The following OR5AN1 variants were observed in gnomAD, a reference collection of about 807,000 sequenced individuals.
The protein encoded by OR5AN1 is olfactory receptor family 5 subfamily AN member 1.
For missense variants in OR5AN1, 476 were observed against 368.9 expected, an observed-to-expected ratio of 1.29 and a Z score of -2.38; for synonymous variants, 167 against 131.8, an observed-to-expected ratio of 1.27 and a Z score of -1.83.
At position 59,369,963 on chromosome 11, in the gene OR5AN1, T is replaced by C. The variant is rs1857576067; in HGVS notation, c.*4569T>C. On this transcript the variant is annotated 3_prime_UTR_variant, in exon 2 of 2. Transcript: ENST00000641998. ...AGAGTTTGGGGTTTTGTCTTCCACA[T>C]CCTTAAAGAAAATAGTCTTCAACCA... 1 of 152,088 alleles carries C rather than the reference T, an allele frequency of 6.6e-6. No individual in the cohort carries two copies. The highest frequency in any genetic ancestry group is 1.5e-5 in the Non-Finnish European group (1 of 68,026). 9.4% of individuals were successfully genotyped at this position (152,088 alleles called of 1,614,324 possible).
At chr11:59,364,223 A>T (rs889229646) in intron 1 of OR5AN1, among the ~76,000 whole-genome samples, 2 of 152,200 alleles carry the variant, frequency 1.3e-5, no homozygotes, top group African/African-American at 4.8e-5. Context: ...TTTAAAATAT[A>T]TTTTTAATTC....
rs1259510208 is a variant in OR5AN1, at chr11:59,365,457, A to G, written c.*63A>G. On this transcript the variant is annotated 3_prime_UTR_variant, in exon 2 of 2. Coordinates refer to ENST00000641998, the MANE Select transcript of OR5AN1 (RefSeq NM_001004729.2). ...TCAGAATCTCCCTAACCCACAAAAT[A>G]TGATAATGAATGGACTATAACAAAA... is the stretch of plus-strand genomic sequence containing the variant. The G allele has an allele frequency of 4.2e-6, 4 of 944,782 alleles. No individual in the cohort carries two copies. Among genetic ancestry groups the G allele is most frequent in the African/African-American group, 3.3e-5 (2 of 60,534 alleles). 58.5% of individuals were successfully genotyped at this position (944,782 alleles called of 1,614,324 possible).
chr11:59,359,469 C>A (rs1362306674), intron 1 of OR5AN1, 197 bp downstream of exon 1: 2 of 152,106 alleles, frequency 1.3e-5, no homozygotes, highest in Non-Finnish European at 2.9e-5. Context: ...AGATCAAAAC[C>A]TGCTTGGGTA....
rs958376021 is a variant in OR5AN1 at position 59,367,332 on chromosome 11, G to A, written c.*1938G>A. The A allele has an allele frequency of 1.1e-4, 16 of 152,236 alleles. No individual in the cohort carries two copies. Among genetic ancestry groups the A allele is most frequent in the Admixed American group, 4.6e-4 (7 of 15,282 alleles). The allele number at this position is 152,236 out of a possible 1,614,324, so 9.4% of individuals were successfully genotyped here. On this transcript the variant is annotated 3_prime_UTR_variant, in exon 2 of 2. Coordinates refer to ENST00000641998, the MANE Select transcript of OR5AN1 (RefSeq NM_001004729.2). The stretch of plus-strand genomic sequence containing the variant: ...TCTTCAGTCTAATACACAGAGCTAT[G>A]TGGAGTCTTGGCAGAGCAGCCACTC...
At chr11:59,362,322 G>A (rs1857473953) in intron 1 of OR5AN1, among the ~76,000 whole-genome samples, 1 of 151,772 alleles carries the variant, frequency 6.6e-6, no homozygotes, top group South Asian at 2.1e-4. Flanking sequence ...TATAATTTCT[G>A]TTTTAGTGTT....
Position 59,367,103 on chromosome 11 carries a change from T to C in OR5AN1, c.*1709T>C, listed in dbSNP as rs1349748724. ...GAAATACAATAAAGTAACAAAGCTG[T>C]GAATCAGAAAAAAATTGAAAAAAGA... is the stretch of plus-strand genomic sequence containing the variant. On this transcript the variant is annotated 3_prime_UTR_variant, in exon 2 of 2. Coordinates refer to ENST00000641998, the MANE Select transcript of OR5AN1 (RefSeq NM_001004729.2). 1.3e-5 allele frequency: 2 copies of C among 152,236 alleles called. No homozygotes were observed. The highest frequency in any genetic ancestry group is 3.4e-3 in the Middle Eastern group (1 of 294). 9.4% of individuals were successfully genotyped at this position (152,236 alleles called of 1,614,324 possible).
Position 59,366,547 on chromosome 11 carries a change from T to C in OR5AN1, c.*1153T>C, listed in dbSNP as rs534078344. The C allele has an allele frequency of 6.6e-6, 1 of 152,314 alleles. No individual in the cohort carries two copies. The highest frequency in any genetic ancestry group is 2.1e-4 in the South Asian group (1 of 4,822). 9.4% of individuals were successfully genotyped at this position (152,314 alleles called of 1,614,324 possible). A position where few individuals can be genotyped will look rare whatever the true frequency, so the allele number is the denominator to read the frequency against. On this transcript the variant is annotated 3_prime_UTR_variant, in exon 2 of 2. Coordinates refer to ENST00000641998, the MANE Select transcript of OR5AN1 (RefSeq NM_001004729.2). Reference sequence around the variant, plus strand: ...CTTCATAATTTAAAATTAAAAATTTTCTCCTTGTCCAAACTGCCTGGCGTA... The same window carrying C: ...CTTCATAATTTAAAATTAAAAATTTCCTCCTTGTCCAAACTGCCTGGCGTA...
At position 59,365,642 on chromosome 11, in the gene OR5AN1, T is replaced by C. The variant is rs966537843; in HGVS notation, c.*248T>C. ...CATCAGGATAAATAATGTGGCCTCA[T>C]CATTTATGAATTTGTCCAAAATTAT... On this transcript the variant is annotated 3_prime_UTR_variant, in exon 2 of 2. Transcript: ENST00000641998. The C allele has an allele frequency of 1.6e-5, 6 of 366,472 alleles. No homozygotes were observed. The highest frequency in any genetic ancestry group is 2.4e-5 in the Non-Finnish European group (5 of 204,932). The allele number at this position is 366,472 out of a possible 1,614,324, so 22.7% of individuals were successfully genotyped here. A position where few individuals can be genotyped will look rare whatever the true frequency, so the allele number is the denominator to read the frequency against.
rs1159818056 is a variant in OR5AN1 at position 59,365,287 on chromosome 11, G to T, written c.829G>T (p.Val277Phe). ...GSSSFDRFAS[V>F]FYTVVIPMLN... The stretch of plus-strand genomic sequence containing the variant: ...TTCAAGCTTTGACAGATTTGCATCT[G>T]TTTTCTACACTGTGGTCATTCCCAT... Residue 277 changes from valine (V) to phenylalanine (F), a missense_variant, in exon 2 of 2, where the codon GTT becomes TTT. Physicochemically the swap from Val to Phe is conservative, Grantham distance 50. Transcript: ENST00000641998. The T allele has an allele frequency of 6.2e-7, 1 of 1,613,316 alleles. No homozygotes were observed. Among genetic ancestry groups the T allele is most frequent in the Non-Finnish European group, 8.5e-7 (1 of 1,179,474 alleles).
At chr11:59,363,719 G>A (rs1857490281) in intron 1 of OR5AN1, among the ~76,000 whole-genome samples, 1 of 152,110 alleles carries the variant, frequency 6.6e-6, no homozygotes, top group Non-Finnish European at 1.5e-5. Flanking sequence ...CAGGACTGTT[G>A]TCCATCAAAT....
chr11:59,364,361 G>A (rs1857497974), intron 1 of OR5AN1, 85 bp from the exon 2 acceptor site: 1 of 793,870 alleles, frequency 1.3e-6, no homozygotes, highest in Admixed American at 2.8e-5. Flanking sequence ...CTTGTTGGAA[G>A]AAAAGATGTA....
In OR5AN1 at chr11:59,371,294, T is replaced by C. The variant is rs1340804558; in HGVS notation, c.*5900T>C. ...ATGAGTGCAAAAATGTTCACTGATT[T>C]GGAGAGAAAGATTGTGTTATGGCAA... On this transcript the variant is annotated 3_prime_UTR_variant, in exon 2 of 2. Transcript: ENST00000641998. 1 of 152,186 alleles carries C rather than the reference T, an allele frequency of 6.6e-6. No individual in the cohort carries two copies. The allele number at this position is 152,186 out of a possible 1,614,324, so 9.4% of individuals were successfully genotyped here. A position where few individuals can be genotyped will look rare whatever the true frequency, so the allele number is the denominator to read the frequency against.
chr11:59,363,309 T>C (rs1857484714), intron 1 of OR5AN1, among the ~76,000 whole-genome samples: 1 of 152,172 alleles, frequency 6.6e-6, no homozygotes, highest in Non-Finnish European at 1.5e-5. Flanking sequence ...TAAATTAAGC[T>C]TAATGTTTTT....
rs1358524410 is a variant in OR5AN1 at position 59,370,169 on chromosome 11, A to G, written c.*4775A>G. 1.3e-5 allele frequency: 2 copies of G among 152,260 alleles called. No individual in the cohort carries two copies. Among genetic ancestry groups the G allele is most frequent in the Non-Finnish European group, 2.9e-5 (2 of 68,050 alleles). The allele number at this position is 152,260 out of a possible 1,614,324, so 9.4% of individuals were successfully genotyped here. ...CTAATACAAAAACACAGTTAAACAC[A>G]GAAACCAATGTCACTATGAAGCAAC... On this transcript the variant is annotated 3_prime_UTR_variant, in exon 2 of 2. Coordinates refer to ENST00000641998, the MANE Select transcript of OR5AN1 (RefSeq NM_001004729.2).
chr11:59,363,941 T>A (rs1184580329), intron 1 of OR5AN1, among the ~76,000 whole-genome samples: 2 of 152,144 alleles, frequency 1.3e-5, no homozygotes. Context: ...TTTTGTATTT[T>A]TAGTAGAGAT....
intron 1 of OR5AN1, chr11:59,360,123 A>G (rs1857447616): frequency 6.6e-6 from 1 of 152,236 alleles, no homozygotes; most frequent in South Asian, 2.1e-4. Flanking sequence ...TTTATCATGA[A>G]TAAGAAAAGC....
rs772717762 is a variant in OR5AN1, at chr11:59,364,971, G to T, written c.513G>T (p.Gly171=). The change falls in exon 2 of 2, where the codon GGG becomes GGT. Residue 171 remains glycine, a synonymous_variant. Coordinates refer to ENST00000641998, the MANE Select transcript of OR5AN1 (RefSeq NM_001004729.2). The part of the protein sequence containing the change: ...IGALLQLHFC[G]SNVIRHFFCD... ...CTTTGCTTCAACTCCACTTCTGTGGGTCTAATGTCATCAGACATTTCTTCT... is the reference window on the plus strand; with the variant it reads ...CTTTGCTTCAACTCCACTTCTGTGGTTCTAATGTCATCAGACATTTCTTCT... 4 of 1,614,058 alleles carry T rather than the reference G, an allele frequency of 2.5e-6. No homozygotes were observed. The highest frequency in any genetic ancestry group is 2.2e-5 in the South Asian group (2 of 91,078).
In OR5AN1 at chr11:59,370,725, G is replaced by C. The variant is rs192899674; in HGVS notation, c.*5331G>C. ...AACAACTGGACAGCTATCTGTGCATGAAAATTGCTATAGGAAGGCTCTGCA... is the reference window on the plus strand; with the variant it reads ...AACAACTGGACAGCTATCTGTGCATCAAAATTGCTATAGGAAGGCTCTGCA... On this transcript the variant is annotated 3_prime_UTR_variant, in exon 2 of 2. Coordinates refer to ENST00000641998, the MANE Select transcript of OR5AN1 (RefSeq NM_001004729.2). 1.3e-5 allele frequency: 2 copies of C among 152,346 alleles called. No individual in the cohort carries two copies. Among genetic ancestry groups the C allele is most frequent in the Admixed American group, 1.3e-4 (2 of 15,296 alleles). 9.4% of individuals were successfully genotyped at this position (152,346 alleles called of 1,614,324 possible). A position where few individuals can be genotyped will look rare whatever the true frequency, so the allele number is the denominator to read the frequency against.
Position 59,371,346 on chromosome 11 carries a change from T to C in OR5AN1, c.*5952T>C, listed in dbSNP as rs1857592243. ...TTAGAAGAAACAGAATATGTGAAGGTGAGGAATTCAGAGGAACCTCTATAG... is the reference window on the plus strand; with the variant it reads ...TTAGAAGAAACAGAATATGTGAAGGCGAGGAATTCAGAGGAACCTCTATAG... On this transcript the variant is annotated 3_prime_UTR_variant, in exon 2 of 2. Transcript: ENST00000641998. The C allele has an allele frequency of 6.6e-6, 1 of 152,044 alleles. No homozygotes were observed. The highest frequency in any genetic ancestry group is 1.5e-5 in the Non-Finnish European group (1 of 68,018). 9.4% of individuals were successfully genotyped at this position (152,044 alleles called of 1,614,324 possible).
Sources: allele counts gnomAD v4.1 joint callset (sites outside exome capture counted in the v4.1 genomes callset), GRCh38; gene constraint gnomAD v4.1.1; transcripts MANE v1.5; gene names NCBI Gene and HGNC (gene_info 2026-07-23, HGNC 2026-07-21).